The following PTPRT variants were observed in gnomAD, a reference collection of about 807,000 sequenced individuals.
PTPRT encodes the protein protein tyrosine phosphatase receptor type T, also known as receptor-type tyrosine-protein phosphatase T.
A neutral mutation model predicts 176.8 loss-of-function variants in PTPRT; 56 were observed. The observed-to-expected ratio is 0.32, with a 90% CI of 0.26 to 0.40. The LOEUF (loss-of-function observed/expected upper bound fraction) is 0.40, where lower values mean the gene tolerates loss of function less well. Ranked by LOEUF, PTPRT falls within the 10% of genes least tolerant of loss-of-function variation. The pLI, the probability that PTPRT is intolerant of heterozygous loss-of-function variation, is 1.00. For synonymous variants in PTPRT, 783 were observed against 739.0 expected (o/e 1.06, Z -0.96); for missense variants, 1,540 against 1,908.2 (o/e 0.81, Z 3.60).
At chr20:42,344,167 T>C (rs1249546476) in intron 11 of PTPRT, among the ~76,000 whole-genome samples, 1 of 152,222 alleles carries the variant, frequency 6.6e-6, no homozygotes, top group African/African-American at 2.4e-5. Flanking sequence ...CCCAAAGTGC[T>C]GGGATTACAG....
At chr20:42,799,709 C>T (rs904460451) in intron 2 of PTPRT, among the ~76,000 whole-genome samples, 9 of 152,226 alleles carry the variant, frequency 5.9e-5, no homozygotes, top group African/African-American at 2.2e-4. Flanking sequence ...GCTACTCTCC[C>T]TTCAGACTCT....
At chr20:42,585,040 A>C (rs909334619) in intron 7 of PTPRT, among the ~76,000 whole-genome samples, 5 of 152,178 alleles carry the variant, frequency 3.3e-5, no homozygotes, top group African/African-American at 4.8e-5. Context: ...TCACCAATAT[A>C]GGATAAAGTC....
At chr20:42,384,499 A>G (rs1331102970) in intron 9 of PTPRT, among the ~76,000 whole-genome samples, 1 of 152,108 alleles carries the variant, frequency 6.6e-6, no homozygotes, top group Non-Finnish European at 1.5e-5. Context: ...TTCTTTATCG[A>G]TTCATTCACC....
intron 15 of PTPRT, among the ~76,000 whole-genome samples, chr20:42,219,160 T>C (rs2055830647): frequency 6.6e-6 from 1 of 152,310 alleles, no homozygotes; most frequent in African/African-American, 2.4e-5. Flanking sequence ...GGGTTAGAGA[T>C]GACGGGTCCC....
the PTPRT span, among the ~76,000 whole-genome samples, chr20:42,035,554 C>T: frequency 1.3e-5 from 2 of 152,104 alleles, no homozygotes; most frequent in African/African-American, 4.8e-5. Context: ...TGGCTATCCA[C>T]CACTCAGGCT....
intron 2 of PTPRT, among the ~76,000 whole-genome samples, chr20:42,870,815 A>G (rs1326287718): frequency 6.6e-6 from 1 of 151,938 alleles, no homozygotes; most frequent in Non-Finnish European, 1.5e-5. Context: ...AAAGGTTCCA[A>G]TTTTTCCAGA....
At chr20:42,970,525 T>C (rs1416262170) in intron 1 of PTPRT, among the ~76,000 whole-genome samples, 1 of 152,186 alleles carries the variant, frequency 6.6e-6, no homozygotes, top group East Asian at 1.9e-4. Flanking sequence ...GCATAACCTC[T>C]CTGTGCCTCA....
intron 1 of PTPRT, among the ~76,000 whole-genome samples, chr20:43,178,066 C>G (rs924733761): frequency 6.6e-6 from 1 of 152,184 alleles, no homozygotes; most frequent in Non-Finnish European, 1.5e-5. Flanking sequence ...GTTGTAGTAT[C>G]TGGATTTGGT....
chr20:42,477,349 T>C (rs2071308069), intron 7 of PTPRT, among the ~76,000 whole-genome samples: 1 of 152,164 alleles, frequency 6.6e-6, no homozygotes, highest in Non-Finnish European at 1.5e-5. Context: ...TTCTGTCCCC[T>C]TCAGCATGTC....
At chr20:42,595,196 G>A (rs6093686) in intron 7 of PTPRT, among the ~76,000 whole-genome samples, 17,904 of 151,992 alleles carry the variant, frequency 0.12, 1,155 homozygotes, top group South Asian at 0.15. Flanking sequence ...GGTGTAGTGC[G>A]TGGGAGATAC....
At chr20:42,190,490 G>A (rs1043083931) in intron 16 of PTPRT, among the ~76,000 whole-genome samples, 3 of 152,156 alleles carry the variant, frequency 2.0e-5, no homozygotes, top group Admixed American at 6.5e-5. Context: ...CTCTCCCAGA[G>A]AGGCCATAAT....
intron 7 of PTPRT, among the ~76,000 whole-genome samples, chr20:42,649,379 G>A (rs933100796): frequency 5.9e-5 from 9 of 152,226 alleles, no homozygotes; most frequent in Middle Eastern, 3.4e-3. Context: ...TGGGAATTGT[G>A]GGAGCTACAA....
intron 12 of PTPRT, among the ~76,000 whole-genome samples, chr20:42,315,317 C>T (rs1252841225): frequency 6.6e-6 from 1 of 151,284 alleles, no homozygotes; most frequent in African/African-American, 2.4e-5. Context: ...ATGATTAGTG[C>T]ATTCCTAGAT....
In PTPRT at chr20:42,238,906, T is replaced by C. The variant is rs192396821; in HGVS notation, c.2313-2648A>G. The stretch of plus-strand genomic sequence containing the variant: ...GAGTCCCAGTTTCTCTATCTCAAGC[T>C]TGGGGACAATAATTATGTATTCCCA... On this transcript the variant is annotated intron_variant, in intron 14 of 30. Coordinates refer to ENST00000373187, the MANE Select transcript of PTPRT (RefSeq NM_007050.6). Among the ~76,000 whole-genome samples, 5 of 152,306 alleles carry C rather than the reference T, an allele frequency of 3.3e-5. No homozygotes were observed. The East Asian group carries it at 9.6e-4, about 29-fold the overall frequency.
intron 1 of PTPRT, among the ~76,000 whole-genome samples, chr20:42,999,472 T>A (rs1235650424): frequency 6.7e-6 from 1 of 150,336 alleles, no homozygotes; most frequent in African/African-American, 2.5e-5. Context: ...TTCTGAGGGG[T>A]GGGAATGGTG....
intron 7 of PTPRT, among the ~76,000 whole-genome samples, chr20:42,664,213 A>G (rs372487244): frequency 1.6e-4 from 25 of 152,274 alleles, no homozygotes; most frequent in African/African-American, 6.0e-4. Flanking sequence ...TTATGCCTTT[A>G]GCCTTTTTTT....
rs747606100 is a variant in PTPRT, at chr20:42,771,480, G to A, written c.639C>T (p.Cys213=). 7 of 1,613,978 alleles carry A rather than the reference G, an allele frequency of 4.3e-6. No individual in the cohort carries two copies. In the South Asian group the frequency reaches 6.6e-5, roughly 15 times the overall value. ...GCTGAGACCACTTCCCACCAGCAATGCACTGAAATGTGGCATTCTGCCCCA... is the reference window on the plus strand; with the variant it reads ...GCTGAGACCACTTCCCACCAGCAATACACTGAAATGTGGCATTCTGCCCCA... ...VNVGQNATFQ[C]IAGGKWSQHD... The change falls in exon 5 of 31, where the codon TGC becomes TGT. Residue 213 remains cysteine (C), a synonymous_variant. Coordinates refer to ENST00000373187, the MANE Select transcript of PTPRT (RefSeq NM_007050.6).
At chr20:42,093,242 A>G (rs867425413) in intron 27 of PTPRT, among the ~76,000 whole-genome samples, 5 of 152,304 alleles carry the variant, frequency 3.3e-5, no homozygotes, top group East Asian at 1.9e-4. Context: ...GATCTTGTCA[A>G]TGCTGTTGGA....
intron 7 of PTPRT, among the ~76,000 whole-genome samples, chr20:42,490,223 C>T (rs2071537796): frequency 6.6e-6 from 1 of 151,900 alleles, no homozygotes; most frequent in Non-Finnish European, 1.5e-5. Flanking sequence ...TATGATTTTT[C>T]CCCTCTATAT....
Sources: gnomAD v4.1 joint callset for allele counts (sites outside exome capture counted in the v4.1 genomes callset) on GRCh38, gnomAD v4.1.1 for gene constraint, MANE v1.5 for transcripts, NCBI Gene and HGNC (gene_info 2026-07-23, HGNC 2026-07-21) for gene names.